Variants in ARFGAP1 observed in about 807,000 individuals in gnomAD.
ARFGAP1 encodes the protein ARF GTPase activating protein 1.
ARFGAP1 carries 26 observed loss-of-function variants against 54.0 expected under a neutral mutation model. That is an observed-to-expected ratio of 0.48 (90% confidence interval 0.35 to 0.67). The LOEUF is 0.67. Among genes scored for constraint, ARFGAP1 ranks in the 30% least tolerant of loss-of-function variants. The pLI is 0.00. For missense variants in ARFGAP1, 525 were observed against 535.8 expected, an observed-to-expected ratio of 0.98 and a Z score of 0.20; for synonymous variants, 248 against 211.9, an observed-to-expected ratio of 1.17 and a Z score of -1.48.
chr20:63,279,607 C>T (rs1175370637), intron 7 of ARFGAP1, among the ~76,000 whole-genome samples: 1 of 152,214 alleles, frequency 6.6e-6, no homozygotes, highest in East Asian at 1.9e-4. Context: ...GCCAGGTTCT[C>T]TGCAGAGGGG....
Position 63,272,863 on chromosome 20 carries a change from G to C in ARFGAP1, c.-62G>C, listed in dbSNP as rs1166919833. On this transcript the variant is annotated 5_prime_UTR_variant, in exon 1 of 13. Coordinates refer to ENST00000370283, the MANE Select transcript of ARFGAP1 (RefSeq NM_018209.4). ...ACCGGGCGCATCCTCATTGCAGTGCGGCGGCCCTACCTCGGCCCTGGCCTG... is the reference window on the plus strand; with the variant it reads ...ACCGGGCGCATCCTCATTGCAGTGCCGCGGCCCTACCTCGGCCCTGGCCTG... 2 of 152,278 alleles carry C rather than the reference G, an allele frequency of 1.3e-5. No individual in the cohort carries two copies. Among genetic ancestry groups the C allele is most frequent in the Non-Finnish European group, 2.9e-5 (2 of 68,112 alleles). 9.4% of individuals were successfully genotyped at this position (152,278 alleles called of 1,614,324 possible). A position where few individuals can be genotyped will look rare whatever the true frequency, so the allele number is the denominator to read the frequency against.
chr20:63,287,819 G>A lies in ARFGAP1; in HGVS notation c.1167G>A (p.Lys389=), dbSNP rs1415815182. Reference sequence around the variant, plus strand: ...GGGAGGGCGGGGAGGGCACCAAGAAGGCAGTGCCGCCGGCCGTGCCCACTG... The same window carrying A: ...GGGAGGGCGGGGAGGGCACCAAGAAAGCAGTGCCGCCGGCCGTGCCCACTG... ...DGGEGGEGTK[K]AVPPAVPTDD... is the part of the protein sequence containing the mutation. Residue 389 remains lysine, a synonymous_variant, in exon 13 of 13, where the codon AAG becomes AAA. Transcript: ENST00000370283. The A allele has an allele frequency of 1.9e-6, 3 of 1,588,536 alleles. No individual in the cohort carries two copies. Among genetic ancestry groups the A allele is most frequent in the Non-Finnish European group, 2.6e-6 (3 of 1,168,136 alleles).
chr20:63,286,887 C>G (rs545966206), intron 12 of ARFGAP1: 1 of 183,618 alleles, frequency 5.4e-6, no homozygotes, highest in South Asian at 1.3e-4. Flanking sequence ...AGGCTAGGGC[C>G]CCAGAGACCT....
Position 63,276,628 on chromosome 20 carries a change from G to A in ARFGAP1, c.319G>A (p.Ala107Thr). Residue 107 changes from alanine (A) to threonine (T), a missense_variant, in exon 4 of 13, where the codon GCC becomes ACC. By Grantham distance (58) the Ala-to-Thr change is moderately conservative. Coordinates refer to ENST00000370283, the MANE Select transcript of ARFGAP1 (RefSeq NM_018209.4). This position sits in a 1 kb window ranked among gnomAD's most constrained non-coding sequence, Gnocchi z 5.2. ...WSLQEKYNSR[A>T]AALFRDKVVA... ...CTTGCAGGAGAAGTACAACAGCAGA[G>A]CCGCGGCCCTCTTTAGGGATAAGGT... is the stretch of plus-strand genomic sequence containing the variant. 1.2e-6 allele frequency: 2 copies of A among 1,612,452 alleles called. No homozygotes were observed. The highest frequency in any genetic ancestry group is 1.7e-6 in the Non-Finnish European group (2 of 1,179,212).
At chr20:63,281,887 G>A (rs1013100872) in intron 8 of ARFGAP1, among the ~76,000 whole-genome samples, 1 of 152,142 alleles carries the variant, frequency 6.6e-6, no homozygotes, top group African/African-American at 2.4e-5. Context: ...CAGGAGAAGG[G>A]GAAGCCCAGA....
In ARFGAP1 at chr20:63,288,454, A is replaced by G. The variant is rs1343140876; in HGVS notation, c.*581A>G. On this transcript the variant is annotated 3_prime_UTR_variant, in exon 13 of 13. Coordinates refer to ENST00000370283, the MANE Select transcript of ARFGAP1 (RefSeq NM_018209.4). ...TGCTGTCAGACCCGCGTCGGTCGTA[A>G]CCCTCTGTGGCTCCCCTGCATCAGC... The G allele has an allele frequency of 6.6e-6, 3 of 455,972 alleles. No individual in the cohort carries two copies. The highest frequency in any genetic ancestry group is 8.8e-6 in the Non-Finnish European group (2 of 226,792). 28.2% of individuals were successfully genotyped at this position (455,972 alleles called of 1,614,324 possible). A position where few individuals can be genotyped will look rare whatever the true frequency, so the allele number is the denominator to read the frequency against.
Position 63,285,512 on chromosome 20 carries a change from G to A in ARFGAP1, c.775-142G>A. 4 of 859,220 alleles carry A rather than the reference G, an allele frequency of 4.7e-6. No individual in the cohort carries two copies. In the East Asian group the frequency reaches 9.7e-5, roughly 21 times the overall value. 53.2% of individuals were successfully genotyped at this position (859,220 alleles called of 1,614,324 possible). A position where few individuals can be genotyped will look rare whatever the true frequency, so the allele number is the denominator to read the frequency against. ...CTGGAATCCCTTTGGGGCCACTGTA[G>A]AACTTTCTGGGGCTCAGCCTGATGG... On this transcript the variant is annotated intron_variant, in intron 10 of 12. Transcript: ENST00000370283.
rs753993392 is a variant in ARFGAP1 at position 63,287,899 on chromosome 20, GC to G, written c.*31del. The G allele has an allele frequency of 2.5e-5, 37 of 1,476,992 alleles. No individual in the cohort carries two copies. The highest frequency in any genetic ancestry group is 7.2e-6 in the Non-Finnish European group (8 of 1,113,796). The allele number at this position is 1,476,992 out of a possible 1,614,324, so 91.5% of individuals were successfully genotyped here. On this transcript the variant is annotated 3_prime_UTR_variant, in exon 13 of 13. Coordinates refer to ENST00000370283, the MANE Select transcript of ARFGAP1 (RefSeq NM_018209.4). ...GGCCCACTGCGCCCCCGTCCCCAGC[GC>G]CCCCGGGCGACTTCGTGTTTGCACT...
In ARFGAP1 at chr20:63,278,890, T is replaced by C. The variant is rs1343770860; in HGVS notation, c.531-9T>C. ...AGCATCTTCGGCCTCTTGTCCGCTTTGTTTTCAGGGCCCAGGGGAATCGCT... is the reference window on the plus strand; with the variant it reads ...AGCATCTTCGGCCTCTTGTCCGCTTCGTTTTCAGGGCCCAGGGGAATCGCT... On this transcript the variant is annotated splice_polypyrimidine_tract_variant and intron_variant, in intron 6 of 12. Transcript: ENST00000370283. The C allele has an allele frequency of 6.2e-7, 1 of 1,613,948 alleles. No homozygotes were observed. Among genetic ancestry groups the C allele is most frequent in the Non-Finnish European group, 8.5e-7 (1 of 1,179,948 alleles).
intron 12 of ARFGAP1, 89 bp from the exon 13 acceptor site, chr20:63,287,475 G>A: frequency 7.7e-7 from 1 of 1,304,540 alleles, no homozygotes; most frequent in African/African-American, 1.5e-5. Context: ...GGCGGTCACT[G>A]TCCAGGTGCA....
In ARFGAP1 at chr20:63,281,346, G is replaced by A; in HGVS notation, c.683G>A (p.Gly228Asp). 2.5e-6 allele frequency: 4 copies of A among 1,595,688 alleles called. No homozygotes were observed. The highest frequency in any genetic ancestry group is 3.4e-6 in the Non-Finnish European group (4 of 1,175,406). The change falls in exon 8 of 13, where the codon GGC (glycine) becomes GAC (aspartate). Residue 228 changes from glycine to aspartate, a missense_variant and splice_region_variant. Physicochemically the swap from Gly to Asp is moderately conservative, Grantham distance 94. Around this residue, in one of 3 missense-constraint regions of ARFGAP1, gnomAD observed 466 missense variants for 453.6 expected, o/e 1.03. Coordinates refer to ENST00000370283, the MANE Select transcript of ARFGAP1 (RefSeq NM_018209.4). ...CGGTTTGCCTCGGCAGCCAAGGAGG[G>A]CGTAAGTCACTGCCCCTGCCATGCC... ...ASRFASAAKEGATKFGSQASQ... is the reference protein window; with the variant it reads ...ASRFASAAKEDATKFGSQASQ...
In ARFGAP1 at chr20:63,289,025, G is replaced by A. The variant is rs777366587; in HGVS notation, c.*1152G>A. ...CCTGGGCCCTTCAGCCCCTGTGCTC[G>A]TCCCACCCTAGGGACTCAGCCACTT... is the stretch of plus-strand genomic sequence containing the variant. On this transcript the variant is annotated 3_prime_UTR_variant, in exon 13 of 13. Transcript: ENST00000370283. The A allele has an allele frequency of 1.6e-4, 28 of 176,884 alleles. No individual in the cohort carries two copies. Among genetic ancestry groups the A allele is most frequent in the Middle Eastern group, 2.7e-3 (1 of 366 alleles). The allele number at this position is 176,884 out of a possible 1,614,324, so 11.0% of individuals were successfully genotyped here.
chr20:63,281,482 T>A, intron 8 of ARFGAP1, 135 bp downstream of exon 8: 1 of 1,122,656 alleles, frequency 8.9e-7, no homozygotes, highest in Non-Finnish European at 1.3e-6. Flanking sequence ...CCATGGGCTG[T>A]GCCAACGCAG....
chr20:63,277,377 G>A, intron 5 of ARFGAP1, 72 bp downstream of exon 5: 2 of 1,312,914 alleles, frequency 1.5e-6, no homozygotes, highest in East Asian at 2.7e-5. Context: ...GTTTCCCACA[G>A]AATTCTCCCC....
Position 63,287,711 on chromosome 20 carries a change from C to T in ARFGAP1, c.1059C>T (p.Asp353=). ...SPSSDSWTCA[D]TSTERRSSDS... is the part of the protein sequence containing the mutation. The stretch of plus-strand genomic sequence containing the variant: ...GCAGCGACAGCTGGACGTGCGCGGA[C>T]ACCTCCACCGAGAGGAGGAGCTCGG... The change falls in exon 13 of 13, where the codon GAC becomes GAT. Residue 353 remains aspartate, a synonymous_variant. Transcript: ENST00000370283. The T allele has an allele frequency of 6.2e-7, 1 of 1,611,114 alleles. No individual in the cohort carries two copies. The highest frequency in any genetic ancestry group is 8.5e-7 in the Non-Finnish European group (1 of 1,179,456).
chr20:63,286,838 T>A, intron 12 of ARFGAP1: 2 of 218,860 alleles, frequency 9.1e-6, no homozygotes, highest in Non-Finnish European at 1.8e-5. Flanking sequence ...TCTCCCAGAC[T>A]CTGGGTGGAT....
At chr20:63,283,215 G>A (rs748531586) in intron 9 of ARFGAP1, 5 of 365,404 alleles carry the variant, frequency 1.4e-5, no homozygotes, top group Non-Finnish European at 2.0e-5. Flanking sequence ...TGCTGTGCCT[G>A]CGGCACACTG....
At chr20:63,279,574 A>G (rs922768980) in intron 7 of ARFGAP1, among the ~76,000 whole-genome samples, 46 of 152,154 alleles carry the variant, frequency 3.0e-4, no homozygotes. Flanking sequence ...AAGGAACCCA[A>G]GGACTCTGAT....
Position 63,277,284 on chromosome 20 carries a change from C to T in ARFGAP1, c.422C>T (p.Thr141Met), listed in dbSNP as rs377405400. Reference protein sequence around the residue: ...AQNWTPPQPRTLPSMVHRVSG... With the variant: ...AQNWTPPQPRMLPSMVHRVSG... ...AACTGGACCCCACCTCAGCCCAGGA[C>T]GCTGCCGTCCATGGTGCACCGGTAG... The change falls in exon 5 of 13, where the codon ACG becomes ATG. Residue 141 changes from threonine (T) to methionine (M), a missense_variant. Physicochemically the swap from Thr to Met is moderately conservative, Grantham distance 81 (BLOSUM62 -1). Transcript: ENST00000370283. The T allele has an allele frequency of 8.1e-5, 130 of 1,612,760 alleles. No individual in the cohort carries two copies. The highest frequency in any genetic ancestry group is 9.6e-5 in the Non-Finnish European group (113 of 1,179,914).
Sources: gnomAD v4.1 joint callset for allele counts (sites outside exome capture counted in the v4.1 genomes callset) on GRCh38, gnomAD v4.1.1 for gene constraint, gnomAD v4.1.1 regional missense constraint, Gnocchi (gnomAD v3.1) non-coding constraint, MANE v1.5 for transcripts, NCBI Gene and HGNC (gene_info 2026-07-23, HGNC 2026-07-21) for gene names.